CCDC141: variants seen among roughly 807,000 people sequenced by gnomAD.
CCDC141 encodes coiled-coil domain-containing protein 141.
CCDC141 carries 168 observed loss-of-function variants against 181.0 expected under a neutral mutation model. The observed-to-expected ratio is 0.93, with a 90% CI of 0.82 to 1.05. The LOEUF is 1.05. Among genes scored for constraint, CCDC141 ranks in the 50% least tolerant of loss-of-function variants. The pLI is 0.00. For missense variants in CCDC141, 1,902 were observed against 1,788.5 expected (o/e 1.06, Z -1.14); for synonymous variants, 666 against 642.3 (o/e 1.04, Z -0.56).
At chr2:178,967,955 A>G (rs1690712614) in intron 4 of CCDC141, among the ~76,000 whole-genome samples, 1 of 152,228 alleles carries the variant, frequency 6.6e-6, no homozygotes, top group Non-Finnish European at 1.5e-5. Flanking sequence ...CTCATAAAAC[A>G]GACTTAAACC....
chr2:179,036,779 A>G (rs2043157114), intron 2 of CCDC141, among the ~76,000 whole-genome samples: 1 of 152,212 alleles, frequency 6.6e-6, no homozygotes, highest in Non-Finnish European at 1.5e-5. Flanking sequence ...ATAAGGCCAG[A>G]ACTTTACATA....
chr2:179,003,030 C>T (rs543557456), intron 2 of CCDC141, among the ~76,000 whole-genome samples: 4 of 152,160 alleles, frequency 2.6e-5, no homozygotes, highest in South Asian at 2.1e-4. Flanking sequence ...TGAGTCAATC[C>T]GGAAAATGGG....
intron 21 of CCDC141, among the ~76,000 whole-genome samples, chr2:178,847,921 C>G (rs940858789): frequency 6.6e-6 from 1 of 152,136 alleles, no homozygotes; most frequent in Non-Finnish European, 1.5e-5. Context: ...AGACAGCTAC[C>G]AGGAAGTCCT....
At chr2:178,979,146 C>G (rs2154380838) in intron 2 of CCDC141, among the ~76,000 whole-genome samples, 1 of 152,044 alleles carries the variant, frequency 6.6e-6, no homozygotes, top group African/African-American at 2.4e-5. Context: ...ATTTTTAAAC[C>G]AGAATAGTCA....
chr2:179,036,834 G>A (rs2043158638), intron 2 of CCDC141, among the ~76,000 whole-genome samples: 1 of 152,192 alleles, frequency 6.6e-6, no homozygotes, highest in African/African-American at 2.4e-5. Flanking sequence ...AGATCAATAC[G>A]TGTTTGAATT....
intron 12 of CCDC141, 71 bp from the exon 13 acceptor site, chr2:178,872,383 T>C: frequency 1.5e-6 from 2 of 1,347,314 alleles, no homozygotes; most frequent in Non-Finnish European, 1.0e-6. Context: ...TATATAACTA[T>C]TTTACGAGGC....
rs1210173330 is a variant in CCDC141, at chr2:178,981,667, TA to T, written c.226-2993del. Among the ~76,000 whole-genome samples the T allele has an allele frequency of 3.9e-5, 4 of 102,164 alleles. 1 individual carries two copies. The highest frequency in any genetic ancestry group is 7.0e-5 in the Non-Finnish European group (3 of 42,616). 67.0% of individuals were successfully genotyped at this position (102,164 alleles called of 152,430 possible). On this transcript the variant is annotated intron_variant, in intron 2 of 23. Coordinates refer to ENST00000443758, the MANE Select transcript of CCDC141 (RefSeq NM_173648.4). The stretch of plus-strand genomic sequence containing the variant: ...ATATATATATATATATACATACATA[TA>T]TACATATATATATATAGAGAGAGAG...
At chr2:178,882,223 T>C (rs185926989) in intron 11 of CCDC141, among the ~76,000 whole-genome samples, 1 of 151,936 alleles carries the variant, frequency 6.6e-6, no homozygotes, top group East Asian at 1.9e-4. Context: ...ATACAAAAAT[T>C]AGCCGGGTAT....
At chr2:178,898,809 G>C (rs902292303) in intron 8 of CCDC141, among the ~76,000 whole-genome samples, 2 of 151,798 alleles carry the variant, frequency 1.3e-5, no homozygotes, top group African/African-American at 2.4e-5. Context: ...CCTATTTTTT[G>C]ACTAACAGAA....
intron 6 of CCDC141, among the ~76,000 whole-genome samples, chr2:178,943,153 T>C (rs1263712337): frequency 6.6e-6 from 1 of 152,172 alleles, no homozygotes; most frequent in East Asian, 1.9e-4. Context: ...CTCTTGTGCT[T>C]GGCATTTGGG....
In CCDC141 at chr2:178,836,986, G is replaced by A; in HGVS notation, c.4233C>T (p.Phe1411=). Residue 1411 remains phenylalanine (F), a synonymous_variant, in exon 23 of 24, where the codon TTC becomes TTT. Coordinates refer to ENST00000443758, the MANE Select transcript of CCDC141 (RefSeq NM_173648.4). ...CAGTTACATTAGACAGGAGCCTGGA[G>A]AAATTAGGTGCCTGGTCAGCTAGGC... The part of the protein sequence containing the change: ...VVSLADQAPN[F]SRLLSNVTVM... The A allele has an allele frequency of 6.2e-7, 1 of 1,613,952 alleles. No individual in the cohort carries two copies. The highest frequency in any genetic ancestry group is 8.5e-7 in the Non-Finnish European group (1 of 1,179,958).
chr2:178,963,158 G>C (rs1332845974), intron 4 of CCDC141, among the ~76,000 whole-genome samples: 1 of 152,088 alleles, frequency 6.6e-6, no homozygotes, highest in Non-Finnish European at 1.5e-5. Context: ...TGGAAATTGG[G>C]GGAGCTACAA....
At chr2:178,882,065 A>C (rs1686649814) in intron 11 of CCDC141, among the ~76,000 whole-genome samples, 1 of 152,110 alleles carries the variant, frequency 6.6e-6, no homozygotes. Flanking sequence ...GCAATGGAAA[A>C]GAAACCTGTT....
At position 178,962,575 on chromosome 2, in the gene CCDC141, T is replaced by A. The variant is rs1276173080; in HGVS notation, c.527-1092A>T. On this transcript the variant is annotated intron_variant, in intron 4 of 23. Coordinates refer to ENST00000443758, the MANE Select transcript of CCDC141 (RefSeq NM_173648.4). ...ACAGCGATCTTTTCTAAACATAGCA[T>A]CTCTTTCCCTCCCCTTCTTTCTTTC... is the stretch of plus-strand genomic sequence containing the variant. 2.0e-5 allele frequency among the ~76,000 whole-genome samples: 3 copies of A among 151,992 alleles called. No individual in the cohort carries two copies. The East Asian group carries it at 5.8e-4, about 29-fold the overall frequency.
chr2:178,942,505 G>T (rs1315878084), intron 6 of CCDC141, among the ~76,000 whole-genome samples: 1 of 152,164 alleles, frequency 6.6e-6, no homozygotes, highest in Non-Finnish European at 1.5e-5. Context: ...GGTGTGGAAA[G>T]GAATGAACAG....
chr2:178,960,647 A>G (rs943995126), intron 5 of CCDC141, among the ~76,000 whole-genome samples: 2 of 152,178 alleles, frequency 1.3e-5, no homozygotes, highest in African/African-American at 2.4e-5. Context: ...CATGTCAAGC[A>G]CATTGACGAC....
chr2:178,848,657 A>C (rs901765262), intron 21 of CCDC141, among the ~76,000 whole-genome samples: 6 of 152,198 alleles, frequency 3.9e-5, no homozygotes, highest in Non-Finnish European at 8.8e-5. Context: ...CCCTCACTTG[A>C]AGATGTGCAA....
chr2:178,826,914 A>G (rs1185921422), downstream of CCDC141, among the ~76,000 whole-genome samples: 1 of 151,782 alleles, frequency 6.6e-6, no homozygotes, highest in African/African-American at 2.4e-5. Flanking sequence ...ATAGGCTTAA[A>G]CCACTTTTCT....
At chr2:178,915,232 A>G (rs570414008) in intron 7 of CCDC141, among the ~76,000 whole-genome samples, 1 of 152,170 alleles carries the variant, frequency 6.6e-6, no homozygotes, top group Non-Finnish European at 1.5e-5. Context: ...GGGACTCCTC[A>G]ATGATTTTAA....
Sources: allele counts gnomAD v4.1 joint callset (sites outside exome capture counted in the v4.1 genomes callset), GRCh38; gene constraint gnomAD v4.1.1; transcripts MANE v1.5; gene names NCBI Gene and HGNC (gene_info 2026-07-23, HGNC 2026-07-21).